Variants in STT3A observed in about 807,000 individuals in gnomAD.
The protein encoded by STT3A is STT3 oligosaccharyltransferase complex catalytic subunit A, also known as dolichyl-diphosphooligosaccharide--protein glycosyltransferase subunit STT3A.
Under a neutral mutation model 89.2 loss-of-function variants are expected in STT3A, and 34 were observed. The observed-to-expected ratio is 0.38, with a 90% confidence interval of 0.29 to 0.51. The LOEUF (loss-of-function observed/expected upper bound fraction) is 0.51, where lower values mean the gene tolerates loss of function less well. STT3A is among the 20% of genes least tolerant of loss of function. The pLI is 0.89. For synonymous variants in STT3A, 282 were observed against 310.3 expected (o/e 0.91, Z 0.96); for missense variants, 555 against 889.5 (o/e 0.62, Z 4.78).
In STT3A at chr11:125,613,283, A is replaced by T; in HGVS notation, c.1554+106A>T. The T allele has an allele frequency of 7.8e-7, 1 of 1,282,032 alleles. No individual in the cohort carries two copies. The highest frequency in any genetic ancestry group is 1.1e-6 in the Non-Finnish European group (1 of 927,088). 79.4% of individuals were successfully genotyped at this position (1,282,032 alleles called of 1,614,324 possible). ...TTAGATGGGTGGAAAGCTGGGTGAA[A>T]CTGGAACTTTGCAACTCTAGTCTTG... On this transcript the variant is annotated intron_variant, in intron 13 of 17. Coordinates refer to ENST00000392708, the MANE Select transcript of STT3A (RefSeq NM_152713.5). The surrounding 1 kb of genome is among the most constrained non-coding windows in gnomAD (Gnocchi z 4.2).
intron 1 of STT3A, chr11:125,593,724 A>C (rs1348200139): frequency 6.6e-6 from 1 of 152,208 alleles, no homozygotes; most frequent in East Asian, 1.9e-4. Context: ...TTTAGTTGCA[A>C]AGTAAGCTTT....
Position 125,602,816 on chromosome 11 carries a change from C to T in STT3A, c.285C>T (p.Thr95=), listed in dbSNP as rs1939725218. Residue 95 remains threonine (T), a synonymous_variant, in exon 5 of 18, where the codon ACC becomes ACT. Transcript: ENST00000392708. ...TTCCTGTTACAGGTTTAATGATCAC[C>T]TCTGCTGCAATCTACCATGTACTCC... ...GGTIYPGLMI[T]SAAIYHVLHF... is the part of the protein sequence containing the mutation. The T allele has an allele frequency of 6.2e-7, 1 of 1,614,128 alleles. No homozygotes were observed. Among genetic ancestry groups the T allele is most frequent in the Non-Finnish European group, 8.5e-7 (1 of 1,180,018 alleles).
chr11:125,605,749 C>T lies in STT3A; in HGVS notation c.615+14C>T. ...TATTTCTACATGGTAACTTTTTCTACATGTTTTCAATTTTTAAAGTTCTCT... is the reference window on the plus strand; with the variant it reads ...TATTTCTACATGGTAACTTTTTCTATATGTTTTCAATTTTTAAAGTTCTCT... On this transcript the variant is annotated intron_variant, in intron 7 of 17. Transcript: ENST00000392708. 1 of 1,602,450 alleles carries T rather than the reference C, an allele frequency of 6.2e-7. No homozygotes were observed.
Position 125,620,836 on chromosome 11 carries a change from T to G in STT3A, c.*26T>G. On this transcript the variant is annotated 3_prime_UTR_variant, in exon 18 of 18. Coordinates refer to ENST00000392708, the MANE Select transcript of STT3A (RefSeq NM_152713.5). The stretch of plus-strand genomic sequence containing the variant: ...ATGTCACGTCCAGCTCTGATATGCT[T>G]CGCACTGAGCACATCACATTTAGGA... 8 of 1,604,972 alleles carry G rather than the reference T, an allele frequency of 5.0e-6. No homozygotes were observed. Among genetic ancestry groups the G allele is most frequent in the Non-Finnish European group, 6.8e-6 (8 of 1,172,338 alleles).
chr11:125,612,774 T>C (rs1240784977), intron 12 of STT3A, 27 bp downstream of exon 12: 2 of 1,609,746 alleles, frequency 1.2e-6, no homozygotes, highest in South Asian at 2.2e-5. Flanking sequence ...AGAGTAGACT[T>C]GGGAAACTCT....
intron 10 of STT3A, chr11:125,610,652 G>C (rs1939976972): frequency 6.6e-6 from 1 of 152,010 alleles, no homozygotes; most frequent in African/African-American, 2.4e-5. Context: ...AGGAGTTCAA[G>C]ACCAGGCTGG....
rs1358893533 is a variant in STT3A, at chr11:125,620,114, C to G, written c.2067C>G (p.Val689=). The G allele has an allele frequency of 2.5e-6, 4 of 1,613,642 alleles. No individual in the cohort carries two copies. The East Asian group carries it at 6.7e-5, about 27-fold the overall frequency. The change falls in exon 17 of 18, where the codon GTC becomes GTG. Residue 689 remains valine (V), a synonymous_variant. Transcript: ENST00000392708. ...EEAYTTEHWL[V]RIYKVKDLDN... is the part of the protein sequence containing the mutation. The stretch of plus-strand genomic sequence containing the variant: ...CATATACCACAGAACATTGGCTGGT[C>G]AGGATATACAAGGTAAGCAGATGCT...
chr11:125,620,138 CT>C lies in STT3A; in HGVS notation c.2079+13del. Reference sequence around the variant, plus strand: ...TCAGGATATACAAGGTAAGCAGATGCTATACGTCTCAGAAAGCAACTTTTAT... The same window carrying C: ...TCAGGATATACAAGGTAAGCAGATGCATACGTCTCAGAAAGCAACTTTTAT... On this transcript the variant is annotated intron_variant, in intron 17 of 17. Transcript: ENST00000392708. The C allele has an allele frequency of 1.3e-6, 2 of 1,599,862 alleles. No individual in the cohort carries two copies. Among genetic ancestry groups the C allele is most frequent in the Non-Finnish European group, 1.7e-6 (2 of 1,171,418 alleles).
In STT3A at chr11:125,609,486, T is replaced by C. The variant is rs1939938073; in HGVS notation, c.1014T>C (p.Tyr338=). Residue 338 remains tyrosine, a synonymous_variant, in exon 10 of 18, where the codon TAT becomes TAC. Coordinates refer to ENST00000392708, the MANE Select transcript of STT3A (RefSeq NM_152713.5). ...GRFYSLLDPS[Y]AKNNIPIIAS... Reference sequence around the variant, plus strand: ...TCTACTCGCTGCTGGATCCCTCTTATGCTAAGAACAACATCCCCATCATTG... The same window carrying C: ...TCTACTCGCTGCTGGATCCCTCTTACGCTAAGAACAACATCCCCATCATTG... The C allele has an allele frequency of 2.5e-6, 4 of 1,614,054 alleles. No individual in the cohort carries two copies. The highest frequency in any genetic ancestry group is 2.2e-5 in the South Asian group (2 of 91,082).
Position 125,613,032 on chromosome 11 carries a change from C to T in STT3A, c.1409C>T (p.Thr470Ile), listed in dbSNP as rs761334326. 3 of 1,614,002 alleles carry T rather than the reference C, an allele frequency of 1.9e-6. No individual in the cohort carries two copies. Among genetic ancestry groups the T allele is most frequent in the South Asian group, 2.2e-5 (2 of 91,086 alleles). The stretch of plus-strand genomic sequence containing the variant: ...CTGGTCATGGCTTTCTTTCTCATCA[C>T]CTACACCTTTCATTCAACCTGGGTG... ...MILVMAFFLI[T>I]YTFHSTWVTS... Residue 470 changes from threonine to isoleucine, a missense_variant, in exon 13 of 18, where the codon ACC (threonine) becomes ATC (isoleucine). Transcript: ENST00000392708. The surrounding 1 kb of genome is among the most constrained non-coding windows in gnomAD (Gnocchi z 4.2).
chr11:125,602,584 C>G (rs113388512), intron 4 of STT3A, among the ~76,000 whole-genome samples, 160 bp downstream of exon 4: 16 of 152,116 alleles, frequency 1.1e-4, no homozygotes, highest in African/African-American at 3.9e-4. Flanking sequence ...AACAGGAGTA[C>G]ATTTGTAGTA....
In STT3A at chr11:125,606,484, A is replaced by C. The variant is rs1158513476; in HGVS notation, c.780+19A>C. On this transcript the variant is annotated intron_variant, in intron 8 of 17. Transcript: ENST00000392708. The stretch of plus-strand genomic sequence containing the variant: ...TTTCCAGGTGAGCCCTTGACTGAGT[A>C]GGGTTTTCAGCTTCTACTTTTTCTA... 1.3e-6 allele frequency: 2 copies of C among 1,598,926 alleles called. No individual in the cohort carries two copies. The highest frequency in any genetic ancestry group is 1.7e-6 in the Non-Finnish European group (2 of 1,174,438).
chr11:125,592,482 A>G (rs146251110), upstream of STT3A: 3 of 456,016 alleles, frequency 6.6e-6, no homozygotes, highest in Non-Finnish European at 1.3e-5. Flanking sequence ...GCAAGGGCCT[A>G]TTTCAGCGTA....
rs1348859908 is a variant in STT3A, at chr11:125,614,092, G to A, written c.1560G>A (p.Ala520=). The change falls in exon 14 of 18, where the codon GCG becomes GCA. Residue 520 remains alanine (A), a synonymous_variant. Transcript: ENST00000392708. This position sits in a 1 kb window ranked among gnomAD's most constrained non-coding sequence, Gnocchi z 4.9. ...ATTTCCCATTCTACTTTCAGGATGCGAAGGTCATGTCCTGGTGGGATTATG... is the reference window on the plus strand; with the variant it reads ...ATTTCCCATTCTACTTTCAGGATGCAAAGGTCATGTCCTGGTGGGATTATG... The part of the protein sequence containing the change: ...YWLRHNTPED[A]KVMSWWDYGY... The A allele has an allele frequency of 6.2e-6, 10 of 1,613,764 alleles. No individual in the cohort carries two copies. The highest frequency in any genetic ancestry group is 2.7e-5 in the African/African-American group (2 of 74,912).
At chr11:125,611,640 G>A (rs1940019598) in intron 11 of STT3A, 121 bp downstream of exon 11, 4 of 884,388 alleles carry the variant, frequency 4.5e-6, no homozygotes, top group Non-Finnish European at 7.0e-6. Flanking sequence ...AGCATTTGAG[G>A]GAATGAGTTG....
chr11:125,601,982 A>G (rs1369630505), intron 3 of STT3A, among the ~76,000 whole-genome samples: 1 of 151,898 alleles, frequency 6.6e-6, no homozygotes, highest in African/African-American at 2.4e-5. Flanking sequence ...TATTTTTAGT[A>G]GAGATGGGGT....
At chr11:125,617,933 ATACC>A (rs1940226177) in intron 15 of STT3A, among the ~76,000 whole-genome samples, 1 of 152,254 alleles carries the variant, frequency 6.6e-6, no homozygotes, top group African/African-American at 2.4e-5. Context: ...TGTAACCAGT[ATACC>A]CCCTTTTGGG....
chr11:125,617,849 A>G (rs191856293), intron 15 of STT3A, among the ~76,000 whole-genome samples: 1 of 152,366 alleles, frequency 6.6e-6, no homozygotes, highest in Non-Finnish European at 1.5e-5. Flanking sequence ...AACTAAGTAT[A>G]AAGAAACAGG....
At chr11:125,611,561 C>A (rs1940015968) in intron 11 of STT3A, 42 bp downstream of exon 11, 1 of 1,563,716 alleles carries the variant, frequency 6.4e-7, no homozygotes, top group African/African-American at 1.4e-5. Context: ...CACTCTAACT[C>A]TGAGGTGCTT....
Sources: allele counts gnomAD v4.1 joint callset (sites outside exome capture counted in the v4.1 genomes callset), GRCh38; gene constraint gnomAD v4.1.1; non-coding constraint Gnocchi (gnomAD v3.1); transcripts MANE v1.5; gene names NCBI Gene and HGNC (gene_info 2026-07-23, HGNC 2026-07-21).